Variants in CRPPA observed in about 807,000 individuals in gnomAD.
CRPPA encodes D-ribitol-5-phosphate cytidylyltransferase.
Under a neutral mutation model 52.0 loss-of-function variants are expected in CRPPA, and 43 were observed. The ratio of observed to expected loss-of-function variants is 0.83; its 90% CI spans 0.65 to 1.07. CRPPA has a LOEUF of 1.07. CRPPA is among the 50% of genes least tolerant of loss of function. The probability of loss-of-function intolerance (pLI) is 0.00; values close to 1 mark genes in which losing one functional copy is unlikely to be tolerated. For synonymous variants in CRPPA, 250 were observed against 203.5 expected (o/e 1.23, Z -1.94); for missense variants, 629 against 551.7 (o/e 1.14, Z -1.40).
chr7:16,170,015 G>A (rs146877536), intron 9 of CRPPA, among the ~76,000 whole-genome samples: 2 of 152,130 alleles, frequency 1.3e-5, no homozygotes, highest in African/African-American at 4.8e-5. Flanking sequence ...AATCTATTAG[G>A]TTGGTGCAAA....
intron 9 of CRPPA, among the ~76,000 whole-genome samples, chr7:16,214,178 C>T (rs941964214): frequency 2.0e-5 from 3 of 152,048 alleles, no homozygotes; most frequent in East Asian, 3.9e-4. Context: ...TTCAAGTATG[C>T]TCCATGTAAC....
At chr7:16,250,566 T>C (rs1783419026) in intron 8 of CRPPA, among the ~76,000 whole-genome samples, 1 of 152,152 alleles carries the variant, frequency 6.6e-6, no homozygotes, top group Non-Finnish European at 1.5e-5. Flanking sequence ...TGGGGGCCAA[T>C]ATTCAACATT....
At chr7:16,322,665 TAC>T (rs1231080592) in intron 3 of CRPPA, among the ~76,000 whole-genome samples, 1 of 152,166 alleles carries the variant, frequency 6.6e-6, no homozygotes, top group Admixed American at 6.6e-5. Context: ...TCAAAATTTC[TAC>T]AGACCAGTGA....
At chr7:16,197,007 G>A (rs1781751622) in intron 9 of CRPPA, among the ~76,000 whole-genome samples, 1 of 151,542 alleles carries the variant, frequency 6.6e-6, no homozygotes, top group Admixed American at 6.6e-5. Flanking sequence ...ACAACATGTT[G>A]GGAAAAACCC....
chr7:16,310,571 G>A (rs570570017), intron 3 of CRPPA, among the ~76,000 whole-genome samples: 1 of 152,190 alleles, frequency 6.6e-6, no homozygotes, highest in Admixed American at 6.5e-5. Context: ...ATCAGGTGAC[G>A]GGGTAATATT....
At chr7:16,286,044 AATATATATATATATATATATAT>A (rs1175134468) in intron 5 of CRPPA, among the ~76,000 whole-genome samples, 1 of 12,546 alleles carries the variant, frequency 8.0e-5, no homozygotes, top group Non-Finnish European at 1.2e-4. Context: ...AAAAAATATA[AATATATATATATATATATATAT>A]ATATATATAT....
chr7:16,246,142 C>T (rs1296130988), intron 8 of CRPPA, among the ~76,000 whole-genome samples: 1 of 152,096 alleles, frequency 6.6e-6, no homozygotes, highest in Admixed American at 6.6e-5. Context: ...TCAAACCCTG[C>T]CACTGCTTTA....
At chr7:16,223,880 A>AT (rs34194782) in intron 8 of CRPPA, among the ~76,000 whole-genome samples, 16,737 of 151,738 alleles carry the variant, frequency 0.11, 1,255 homozygotes, top group South Asian at 0.3. Flanking sequence ...CATCAAGTAG[A>AT]TTTTTTTTTG....
rs190298271 is a variant in CRPPA, at chr7:16,213,128, C to A, written c.1251+2938G>T. Among the ~76,000 whole-genome samples the A allele has an allele frequency of 4.6e-5, 7 of 152,290 alleles. No homozygotes were observed. In the East Asian group the frequency reaches 1.4e-3, roughly 29 times the overall value. Reference sequence around the variant, plus strand: ...CAAAATTAAGACTACACACTCTAAGCTATTGGCTTGAACTATTCATGCCAG... The same window carrying A: ...CAAAATTAAGACTACACACTCTAAGATATTGGCTTGAACTATTCATGCCAG... On this transcript the variant is annotated intron_variant, in intron 9 of 9. Transcript: ENST00000407010.
rs111240781 is a variant in CRPPA at position 16,325,644 on chromosome 7, C to T, written c.685-17017G>A. On this transcript the variant is annotated intron_variant, in intron 3 of 9. Transcript: ENST00000407010. ...CCAAAAAACCTTTTCCAAGACAAAACAAGGAATTATCAGAATGAAAGTTTG... is the reference window on the plus strand; with the variant it reads ...CCAAAAAACCTTTTCCAAGACAAAATAAGGAATTATCAGAATGAAAGTTTG... 2.9e-3 allele frequency among the ~76,000 whole-genome samples: 436 copies of T among 152,236 alleles called. 1 individual carries two copies. Among genetic ancestry groups the T allele is most frequent in the African/African-American group, 9.7e-3 (401 of 41,546 alleles).
intron 6 of CRPPA, among the ~76,000 whole-genome samples, chr7:16,270,852 T>A (rs1784074252): frequency 6.6e-6 from 1 of 152,150 alleles, no homozygotes; most frequent in South Asian, 2.1e-4. Flanking sequence ...TGCTGTGGCT[T>A]AATTTGCTCT....
chr7:16,182,194 T>C (rs886862513), intron 9 of CRPPA, among the ~76,000 whole-genome samples: 1 of 151,962 alleles, frequency 6.6e-6, no homozygotes. Flanking sequence ...CCAGGCAGCA[T>C]TAATAGGGAT....
chr7:16,340,648 T>C (rs548711739), intron 3 of CRPPA, among the ~76,000 whole-genome samples: 9 of 150,230 alleles, frequency 6.0e-5, no homozygotes, highest in African/African-American at 1.7e-4. Context: ...AAACCTCTCA[T>C]TGTTGGCAAG....
intron 3 of CRPPA, among the ~76,000 whole-genome samples, chr7:16,338,860 G>A (rs193107149): frequency 1.4e-5 from 2 of 146,192 alleles, no homozygotes; most frequent in African/African-American, 5.1e-5. Flanking sequence ...CTGTCACCCA[G>A]GCTGGAGTGC....
intron 9 of CRPPA, among the ~76,000 whole-genome samples, chr7:16,183,788 G>A (rs113174893): frequency 2.4e-4 from 37 of 152,242 alleles, no homozygotes; most frequent in African/African-American, 8.2e-4. Context: ...AGGTGCCTAA[G>A]AGAAGCCAAT....
chr7:16,114,507 T>C (rs1399692115), intron 9 of CRPPA, among the ~76,000 whole-genome samples: 2 of 152,060 alleles, frequency 1.3e-5, no homozygotes, highest in Non-Finnish European at 2.9e-5. Flanking sequence ...CTGATGAGTA[T>C]AAAGTTTATT....
At chr7:16,368,728 G>T (rs1786672855) in intron 3 of CRPPA, among the ~76,000 whole-genome samples, 1 of 152,200 alleles carries the variant, frequency 6.6e-6, no homozygotes, top group African/African-American at 2.4e-5. Flanking sequence ...ATTAATAAAT[G>T]TCACAATTTT....
intron 1 of CRPPA, among the ~76,000 whole-genome samples, chr7:16,416,513 A>G (rs1443052962): frequency 6.6e-6 from 1 of 152,184 alleles, no homozygotes; most frequent in Non-Finnish European, 1.5e-5. Flanking sequence ...ACAAAAATTG[A>G]CAACTGAGAG....
chr7:16,258,077 G>T (rs369977827), intron 8 of CRPPA, among the ~76,000 whole-genome samples: 2 of 152,034 alleles, frequency 1.3e-5, no homozygotes, highest in East Asian at 3.9e-4. Flanking sequence ...ATTAAATAAA[G>T]CTGTTTTACA....
Sources: gnomAD v4.1 joint callset for allele counts (sites outside exome capture counted in the v4.1 genomes callset) on GRCh38, gnomAD v4.1.1 for gene constraint, MANE v1.5 for transcripts, NCBI Gene and HGNC (gene_info 2026-07-23, HGNC 2026-07-21) for gene names.